Variants in SYNE2 observed in about 807,000 individuals in gnomAD.
SYNE2 encodes nesprin-2.
In SYNE2, 431 loss-of-function variants were observed where a neutral mutation model predicts 856.3. That is an observed-to-expected ratio of 0.50 (90% CI 0.47 to 0.55). SYNE2 has a LOEUF of 0.55. SYNE2 is among the 20% of genes least tolerant of loss of function. The pLI, the probability that SYNE2 is intolerant of heterozygous loss-of-function variation, is 0.00. For synonymous variants in SYNE2, 2,923 were observed against 2,872.3 expected (o/e 1.02, Z -0.56); for missense variants, 8,129 against 8,023.2 (o/e 1.01, Z -0.50).
At chr14:64,157,170 A>C (rs61987295) in intron 85 of SYNE2, among the ~76,000 whole-genome samples, 1 of 152,192 alleles carries the variant, frequency 6.6e-6, no homozygotes, top group African/African-American at 2.4e-5. Context: ...ACAGAGATAC[A>C]CAGCCATCAC....
At chr14:64,093,590 A>T (rs2153630366) in intron 61 of SYNE2, 110 bp downstream of exon 61, 1 of 1,162,872 alleles carries the variant, frequency 8.6e-7, no homozygotes, top group Middle Eastern at 2.2e-4. Context: ...GCAGTGTAAC[A>T]CCTGTTTCTC....
chr14:63,940,556 G>A, intron 2 of SYNE2, 58 bp from the exon 3 acceptor site: 1 of 1,504,760 alleles, frequency 6.6e-7, no homozygotes, highest in Non-Finnish European at 9.2e-7. Flanking sequence ...GCTCTGATAT[G>A]TGCAGGAGGT....
intron 1 of SYNE2, among the ~76,000 whole-genome samples, chr14:63,783,471 G>T (rs747143674): frequency 6.6e-6 from 1 of 152,010 alleles, no homozygotes; most frequent in Non-Finnish European, 1.5e-5. Context: ...TCCGCCTCCC[G>T]GGTTCAAGGA....
At chr14:63,989,650 T>C (rs964525959) in intron 19 of SYNE2, among the ~76,000 whole-genome samples, 2 of 151,652 alleles carry the variant, frequency 1.3e-5, no homozygotes, top group African/African-American at 2.4e-5. Context: ...TTATTTCATT[T>C]ATTTTATTGT....
chr14:63,893,130 AAAC>A (rs966927310), intron 1 of SYNE2, among the ~76,000 whole-genome samples: 5 of 152,212 alleles, frequency 3.3e-5, no homozygotes, highest in Admixed American at 1.3e-4. Context: ...TTAGAAAAGA[AAAC>A]AACAACAGAC....
intron 6 of SYNE2, among the ~76,000 whole-genome samples, chr14:63,948,732 GTGTATAGATA>G (rs1442039200): frequency 2.8e-4 from 17 of 60,552 alleles, no homozygotes; most frequent in South Asian, 7.0e-4. Flanking sequence ...GTATATATAT[GTGTATAGATA>G]TGTGTGTGTA....
At chr14:64,091,816 T>A (rs1273807434) in intron 60 of SYNE2, among the ~76,000 whole-genome samples, 3 of 152,230 alleles carry the variant, frequency 2.0e-5, no homozygotes, top group Non-Finnish European at 4.4e-5. Context: ...GTCAACCTCC[T>A]GCATGCTGCC....
At chr14:64,189,011 T>A in intron 98 of SYNE2, 1 of 702,176 alleles carries the variant, frequency 1.4e-6, no homozygotes, top group Non-Finnish European at 2.6e-6. Flanking sequence ...ATACCCCAAG[T>A]GAGTTAGGGT....
intron 78 of SYNE2, 109 bp from the exon 79 acceptor site, chr14:64,137,678 T>TA (rs1224353459): frequency 3.6e-6 from 4 of 1,118,824 alleles, no homozygotes; most frequent in Non-Finnish European, 5.3e-6. Context: ...GGGAAAGTGT[T>TA]ACTGTTTTAT....
chr14:63,903,647 C>T (rs1471075244), intron 1 of SYNE2, among the ~76,000 whole-genome samples: 1 of 152,150 alleles, frequency 6.6e-6, no homozygotes, highest in East Asian at 1.9e-4. Context: ...ATATACAATA[C>T]AGTGAATTCC....
At chr14:63,794,106 G>A (rs1269106152) in intron 1 of SYNE2, among the ~76,000 whole-genome samples, 1 of 152,114 alleles carries the variant, frequency 6.6e-6, no homozygotes, top group Non-Finnish European at 1.5e-5. Flanking sequence ...TCTAACAACA[G>A]AGCCCCAAAT....
In SYNE2 at chr14:64,158,610, C is replaced by A; in HGVS notation, c.15793-15C>A. On this transcript the variant is annotated splice_polypyrimidine_tract_variant and intron_variant, in intron 85 of 115. Transcript: ENST00000555002. ...AGTGATTTTCTAAATCAGTACGTTT[C>A]CACTTTTTGTCTAGGTCAATCAGCT... 1.2e-6 allele frequency: 2 copies of A among 1,613,630 alleles called. No homozygotes were observed. The highest frequency in any genetic ancestry group is 1.7e-6 in the Non-Finnish European group (2 of 1,179,722).
rs143050971 is a variant in SYNE2 at position 63,834,920 on chromosome 14, G to C, written c.-304-17581G>C. Reference sequence around the variant, plus strand: ...CCCAAAGTGCTGGGATTACAGGCATGAGTCACCACGCCTGGCCACATTTGT... The same window carrying C: ...CCCAAAGTGCTGGGATTACAGGCATCAGTCACCACGCCTGGCCACATTTGT... On this transcript the variant is annotated intron_variant, in intron 1 of 23. Transcript: ENST00000674003. Among the ~76,000 whole-genome samples, 52 of 152,264 alleles carry C rather than the reference G, an allele frequency of 3.4e-4. 1 individual carries two copies. Among genetic ancestry groups the C allele is most frequent in the African/African-American group, 1.2e-3 (50 of 41,542 alleles).
intron 1 of SYNE2, among the ~76,000 whole-genome samples, chr14:63,904,149 G>GATTTT (rs2095376291): frequency 6.6e-6 from 1 of 152,156 alleles, no homozygotes; most frequent in African/African-American, 2.4e-5. Context: ...CAAAGGCTAT[G>GATTTT]ATTTTATTCT....
intron 1 of SYNE2, among the ~76,000 whole-genome samples, chr14:63,879,364 A>T (rs1259111329): frequency 6.6e-6 from 1 of 152,196 alleles, no homozygotes; most frequent in Non-Finnish European, 1.5e-5. Flanking sequence ...GCCCCAGTGA[A>T]CTTGAACTGT....
chr14:63,909,258 C>T, intron 2 of SYNE2, 31 bp downstream of exon 2: 1 of 1,492,712 alleles, frequency 6.7e-7, no homozygotes, highest in Non-Finnish European at 9.3e-7. Context: ...GTAACACCCA[C>T]AGAAACTGGG....
At chr14:64,040,215 G>A (rs1456431499) in intron 45 of SYNE2, among the ~76,000 whole-genome samples, 1 of 152,054 alleles carries the variant, frequency 6.6e-6, no homozygotes, top group Non-Finnish European at 1.5e-5. Context: ...TAAATAAATA[G>A]CACAAAGGAA....
At chr14:64,025,690 A>G (rs1410328756) in intron 41 of SYNE2, among the ~76,000 whole-genome samples, 2 of 152,230 alleles carry the variant, frequency 1.3e-5, no homozygotes, top group Non-Finnish European at 2.9e-5. Flanking sequence ...GAATTGAAAT[A>G]AAGACAATGA....
chr14:63,863,834 A>G (rs1461700665), intron 1 of SYNE2, among the ~76,000 whole-genome samples: 1 of 152,030 alleles, frequency 6.6e-6, no homozygotes, highest in Admixed American at 6.6e-5. Context: ...TATTATCATT[A>G]TTTTTTCGAG....
Sources: gnomAD v4.1 joint callset for allele counts (sites outside exome capture counted in the v4.1 genomes callset) on GRCh38, gnomAD v4.1.1 for gene constraint, MANE v1.5 for transcripts, NCBI Gene and HGNC (gene_info 2026-07-23, HGNC 2026-07-21) for gene names.